Variants in UBE2D3 observed in about 807,000 individuals in gnomAD.
UBE2D3 encodes ubiquitin-conjugating enzyme E2 D3.
Under a neutral mutation model 22.8 loss-of-function variants are expected in UBE2D3, and 2 were observed. The ratio of observed to expected loss-of-function variants is 0.09; its 90% CI spans 0.04 to 0.28. UBE2D3 has a LOEUF of 0.28. Among genes scored for constraint, UBE2D3 ranks in the 10% least tolerant of loss-of-function variants. The probability of loss-of-function intolerance (pLI) is 1.00; values close to 1 mark genes in which losing one functional copy is unlikely to be tolerated. For synonymous variants in UBE2D3, 56 were observed against 60.4 expected, an observed-to-expected ratio of 0.93 and a Z score of 0.34; for missense variants, 27 against 182.5, an observed-to-expected ratio of 0.15 and a Z score of 4.91.
chr4:102,795,257 T>C lies in UBE2D3; in HGVS notation c.*2158A>G, dbSNP rs2110234006. ...TAAATACCTAAGGGTTGTCTAAGGCTATAAAGGTCAATTTGAAAGCCAGTT... is the reference window on the plus strand; with the variant it reads ...TAAATACCTAAGGGTTGTCTAAGGCCATAAAGGTCAATTTGAAAGCCAGTT... On this transcript the variant is annotated 3_prime_UTR_variant, in exon 8 of 8. Coordinates refer to ENST00000453744, the MANE Select transcript of UBE2D3 (RefSeq NM_181891.3). The C allele has an allele frequency of 6.6e-6, 1 of 152,184 alleles. No individual in the cohort carries two copies. The highest frequency in any genetic ancestry group is 2.4e-5 in the African/African-American group (1 of 41,576). 9.4% of individuals were successfully genotyped at this position (152,184 alleles called of 1,614,324 possible).
chr4:102,830,843 G>A (rs1731078455), upstream of UBE2D3, among the ~76,000 whole-genome samples: 2 of 152,198 alleles, frequency 1.3e-5, no homozygotes, highest in Admixed American at 6.5e-5. Flanking sequence ...TCAAGCCTGT[G>A]ATGGAGCAAG....
At chr4:102,813,938 C>G (rs1042507720) in intron 2 of UBE2D3, among the ~76,000 whole-genome samples, 4 of 152,166 alleles carry the variant, frequency 2.6e-5, no homozygotes, top group African/African-American at 9.7e-5. Flanking sequence ...GAGAATTGTC[C>G]TGATATGCTG....
chr4:102,833,473 G>A (rs1442710099), intron 1 of UBE2D3, among the ~76,000 whole-genome samples: 1 of 152,130 alleles, frequency 6.6e-6, no homozygotes, highest in East Asian at 1.9e-4. Context: ...GTATAAGTGG[G>A]TATCAAGGTG....
chr4:102,820,825 A>G (rs1366003292), intron 2 of UBE2D3, among the ~76,000 whole-genome samples: 1 of 152,232 alleles, frequency 6.6e-6, no homozygotes, highest in Non-Finnish European at 1.5e-5. Context: ...ATGAAATTAC[A>G]GCAAGGTTAG....
intron 1 of UBE2D3, among the ~76,000 whole-genome samples, chr4:102,867,272 C>T (rs1482356681): frequency 3.9e-5 from 6 of 152,104 alleles, no homozygotes; most frequent in African/African-American, 7.2e-5. Context: ...TAAAAAATTC[C>T]TTCCTTTTCT....
At chr4:102,848,536 T>C (rs1732164261) in intron 1 of UBE2D3, among the ~76,000 whole-genome samples, 1 of 151,912 alleles carries the variant, frequency 6.6e-6, no homozygotes, top group Admixed American at 6.6e-5. Flanking sequence ...TCCCAGTTAC[T>C]GGGGAGGCTG....
At chr4:102,807,406 G>A (rs975596132) in intron 4 of UBE2D3, among the ~76,000 whole-genome samples, 2 of 152,168 alleles carry the variant, frequency 1.3e-5, no homozygotes, top group African/African-American at 2.4e-5. Flanking sequence ...TTATGTACAA[G>A]ACAATACCCG....
chr4:102,842,044 T>A (rs940440859), intron 1 of UBE2D3, among the ~76,000 whole-genome samples: 5 of 152,210 alleles, frequency 3.3e-5, no homozygotes, highest in African/African-American at 4.8e-5. Flanking sequence ...ACTGTGATCC[T>A]CATATTCTTT....
upstream of UBE2D3, among the ~76,000 whole-genome samples, chr4:102,829,594 A>G (rs1730998440): frequency 6.6e-6 from 1 of 152,244 alleles, no homozygotes; most frequent in Non-Finnish European, 1.5e-5. Context: ...ACAGTGCTGT[A>G]TAAATGTCAG....
Position 102,794,682 on chromosome 4 carries a change from A to C in UBE2D3, c.*2733T>G, listed in dbSNP as rs1725090290. The C allele has an allele frequency of 6.6e-6, 1 of 152,050 alleles. No individual in the cohort carries two copies. Among genetic ancestry groups the C allele is most frequent in the Non-Finnish European group, 1.5e-5 (1 of 67,968 alleles). 9.4% of individuals were successfully genotyped at this position (152,050 alleles called of 1,614,324 possible). On this transcript the variant is annotated 3_prime_UTR_variant, in exon 8 of 8. Coordinates refer to ENST00000453744, the MANE Select transcript of UBE2D3 (RefSeq NM_181891.3). Reference sequence around the variant, plus strand: ...AACAAAAAAAAACAAACAAAAAAAAAAGTGAGTGTTTCACTACCCCTGAGA... The same window carrying C: ...AACAAAAAAAAACAAACAAAAAAAACAGTGAGTGTTTCACTACCCCTGAGA...
At chr4:102,809,642 A>C in intron 4 of UBE2D3, 30 bp downstream of exon 4, 1 of 1,573,972 alleles carries the variant, frequency 6.4e-7, no homozygotes, top group Non-Finnish European at 8.6e-7. Flanking sequence ...TTTTCACTTA[A>C]AACTAAATTT....
At chr4:102,825,630 T>G in intron 2 of UBE2D3, 1 of 1,165,340 alleles carries the variant, frequency 8.6e-7, no homozygotes, top group Non-Finnish European at 1.1e-6. Context: ...ATCCTAGTTT[T>G]TTTTCAACTT....
chr4:102,844,732 G>T (rs1455809490), intron 1 of UBE2D3, among the ~76,000 whole-genome samples: 1 of 152,010 alleles, frequency 6.6e-6, no homozygotes, highest in African/African-American at 2.4e-5. Context: ...AAGAATTCTA[G>T]CCAGCCTGGG....
At chr4:102,814,070 CAT>C (rs1030809243) in intron 2 of UBE2D3, among the ~76,000 whole-genome samples, 2 of 152,184 alleles carry the variant, frequency 1.3e-5, no homozygotes, top group Non-Finnish European at 2.9e-5. Context: ...GATATACCCT[CAT>C]GTCTTCCACA....
intron 1 of UBE2D3, among the ~76,000 whole-genome samples, chr4:102,855,967 G>A (rs958967814): frequency 1.3e-5 from 2 of 152,158 alleles, no homozygotes; most frequent in African/African-American, 2.4e-5. Context: ...CCTAAAATAG[G>A]AGCCACAAAG....
At chr4:102,819,612 T>A in intron 2 of UBE2D3, 2 of 985,402 alleles carry the variant, frequency 2.0e-6, no homozygotes, top group Non-Finnish European at 2.4e-6. Context: ...TATTCTAGGT[T>A]TCATCCCCCC....
At chr4:102,851,556 C>T (rs1732350216) in intron 1 of UBE2D3, among the ~76,000 whole-genome samples, 1 of 152,220 alleles carries the variant, frequency 6.6e-6, no homozygotes, top group South Asian at 2.1e-4. Context: ...TTTCCATTAC[C>T]TAGCTCACCT....
chr4:102,815,484 T>C (rs570459817), intron 2 of UBE2D3, among the ~76,000 whole-genome samples: 114 of 152,346 alleles, frequency 7.5e-4, no homozygotes, highest in Non-Finnish European at 1.5e-3. Context: ...TGACCTAGAA[T>C]ATAAACACCA....
intron 1 of UBE2D3, 125 bp from the exon 2 acceptor site, chr4:102,826,761 T>G: frequency 7.5e-7 from 1 of 1,338,754 alleles, no homozygotes; most frequent in Non-Finnish European, 9.6e-7. Flanking sequence ...ACCAACAGCC[T>G]CTGTACCGTG....
Sources: allele counts gnomAD v4.1 joint callset (sites outside exome capture counted in the v4.1 genomes callset), GRCh38; gene constraint gnomAD v4.1.1; transcripts MANE v1.5; gene names NCBI Gene and HGNC (gene_info 2026-07-23, HGNC 2026-07-21).